The following CHST9 variants were observed in gnomAD, a reference collection of about 807,000 sequenced individuals.
The protein encoded by CHST9 is GalNAc-4-sulfotransferase 2.
A neutral mutation model predicts 44.4 loss-of-function variants in CHST9; 41 were observed. The observed-to-expected ratio is 0.92, with a 90% CI of 0.72 to 1.20. The LOEUF is 1.20. Among genes scored for constraint, CHST9 ranks in the 50% most tolerant of loss-of-function variants. The pLI is 0.00. For synonymous variants in CHST9, 171 were observed against 178.4 expected, an observed-to-expected ratio of 0.96 and a Z score of 0.33; for missense variants, 504 against 516.5, an observed-to-expected ratio of 0.98 and a Z score of 0.23.
intron 2 of CHST9, among the ~76,000 whole-genome samples, chr18:27,076,387 G>GT (rs992174281): frequency 2.0e-5 from 3 of 152,128 alleles, no homozygotes; most frequent in Non-Finnish European, 2.9e-5. Flanking sequence ...AGTAGGTTCA[G>GT]TTTTTTTCTA....
intron 2 of CHST9, among the ~76,000 whole-genome samples, chr18:27,110,000 A>G (rs1357471535): frequency 1.3e-5 from 2 of 152,206 alleles, no homozygotes; most frequent in African/African-American, 4.8e-5. Context: ...GAGTTGAGTC[A>G]TTTATTACCA....
chr18:27,042,409 G>A (rs1273872634), intron 3 of CHST9, among the ~76,000 whole-genome samples: 3 of 152,174 alleles, frequency 2.0e-5, no homozygotes, highest in Non-Finnish European at 4.4e-5. Flanking sequence ...CAATCTCCAT[G>A]TGTAAATACT....
At chr18:27,033,210 T>C (rs1364933519) in intron 3 of CHST9, among the ~76,000 whole-genome samples, 3 of 152,242 alleles carry the variant, frequency 2.0e-5, no homozygotes, top group Admixed American at 2.0e-4. Context: ...TTTCTTTGAA[T>C]AGCCCAGCAC....
chr18:26,947,618 C>T (rs571887078), intron 4 of CHST9, among the ~76,000 whole-genome samples: 1 of 152,304 alleles, frequency 6.6e-6, no homozygotes, highest in East Asian at 1.9e-4. Flanking sequence ...TTCTTGAAGA[C>T]ATTTATGCAG....
intron 2 of CHST9, among the ~76,000 whole-genome samples, chr18:27,062,010 C>A (rs370494560): frequency 1.3e-4 from 20 of 152,180 alleles, no homozygotes; most frequent in Admixed American, 7.2e-4. Context: ...TCCAAATCAC[C>A]CTTCAGCTCC....
At chr18:26,983,609 G>A (rs915210667) in intron 4 of CHST9, among the ~76,000 whole-genome samples, 2 of 152,046 alleles carry the variant, frequency 1.3e-5, no homozygotes, top group African/African-American at 4.8e-5. Context: ...TTATAAATTA[G>A]CCCACCTCAA....
intron 4 of CHST9, among the ~76,000 whole-genome samples, chr18:27,016,102 G>A (rs543594701): frequency 5.4e-4 from 82 of 152,270 alleles, no homozygotes; most frequent in Non-Finnish European, 3.2e-4. Flanking sequence ...ATAAATGTAA[G>A]TTACTTTTTG....
intron 3 of CHST9, among the ~76,000 whole-genome samples, chr18:27,035,502 C>T (rs765061828): frequency 1.3e-5 from 2 of 151,846 alleles, no homozygotes; most frequent in Middle Eastern, 3.2e-3. Context: ...GTGTGTATTC[C>T]ATTGTTTATG....
rs779089016 is a variant in CHST9 at position 26,917,319 on chromosome 18, C to T, written c.272G>A (p.Arg91Gln). ...GAGTAGAAGATTTTCCTTTTTTTCT[C>T]GTACATCCTCAGGCATGTGAAACTT... ...NPKFHMPEDV[R>Q]EKKENLLLNS... The change falls in exon 6 of 6, where the codon CGA (arginine) becomes CAA (glutamine). Residue 91 changes from arginine (R) to glutamine (Q), a missense_variant. Transcript: ENST00000618847. 49 of 1,612,086 alleles carry T rather than the reference C, an allele frequency of 3.0e-5. No homozygotes were observed. The highest frequency in any genetic ancestry group is 5.5e-5 in the South Asian group (5 of 90,616).
Position 26,907,777 on chromosome 18 carries a change from G to T in CHST9, c.*8482C>A, listed in dbSNP as rs2055388633. ...GTGATTAAGCTGGGAATGGGTTATAGTCTTGAGAGATTGAGGCCAGGCAAT... is the reference window on the plus strand; with the variant it reads ...GTGATTAAGCTGGGAATGGGTTATATTCTTGAGAGATTGAGGCCAGGCAAT... On this transcript the variant is annotated 3_prime_UTR_variant, in exon 6 of 6. Coordinates refer to ENST00000618847, the MANE Select transcript of CHST9 (RefSeq NM_031422.6). 6.4e-6 allele frequency: 1 copy of T among 157,282 alleles called. No homozygotes were observed. The highest frequency in any genetic ancestry group is 1.9e-4 in the South Asian group (1 of 5,232). The allele number at this position is 157,282 out of a possible 1,614,324, so 9.7% of individuals were successfully genotyped here.
chr18:27,163,268 A>C (rs1280396250), intron 1 of CHST9, among the ~76,000 whole-genome samples: 1 of 152,174 alleles, frequency 6.6e-6, no homozygotes, highest in Non-Finnish European at 1.5e-5. Flanking sequence ...TCAGGGACCC[A>C]CTTGAGGAGG....
At chr18:27,119,935 G>A (rs2058360633) in intron 2 of CHST9, among the ~76,000 whole-genome samples, 2 of 152,090 alleles carry the variant, frequency 1.3e-5, no homozygotes, top group African/African-American at 4.8e-5. Flanking sequence ...ATACTAGACT[G>A]ACTATAAGTC....
intron 2 of CHST9, among the ~76,000 whole-genome samples, chr18:27,071,152 A>G (rs2057835386): frequency 6.6e-6 from 1 of 152,130 alleles, no homozygotes; most frequent in Admixed American, 6.5e-5. Context: ...CTCGCCATCC[A>G]CTGTTAGGCT....
chr18:27,151,804 T>A (rs1374098504), intron 1 of CHST9, among the ~76,000 whole-genome samples: 1 of 152,190 alleles, frequency 6.6e-6, no homozygotes, highest in African/African-American at 2.4e-5. Context: ...GGGACCGCAG[T>A]CCTGCTGACA....
At chr18:27,130,858 C>T (rs991693788) in intron 2 of CHST9, among the ~76,000 whole-genome samples, 2 of 152,044 alleles carry the variant, frequency 1.3e-5, no homozygotes, top group African/African-American at 4.8e-5. Flanking sequence ...AGGGTATATA[C>T]AGATAGATAC....
chr18:27,063,616 G>A (rs959722889), intron 2 of CHST9, among the ~76,000 whole-genome samples: 1 of 152,156 alleles, frequency 6.6e-6, no homozygotes, highest in Non-Finnish European at 1.5e-5. Context: ...CTGAAGTCTT[G>A]TGGAAATGGG....
At chr18:26,938,171 C>T (rs2056027076) in intron 5 of CHST9, among the ~76,000 whole-genome samples, 1 of 152,074 alleles carries the variant, frequency 6.6e-6, no homozygotes, top group African/African-American at 2.4e-5. Context: ...GATACCTTTC[C>T]ACAGGTACCC....
chr18:26,946,295 G>A (rs2056161372), intron 4 of CHST9, among the ~76,000 whole-genome samples: 1 of 152,176 alleles, frequency 6.6e-6, no homozygotes, highest in South Asian at 2.1e-4. Flanking sequence ...AGATGATAAA[G>A]GAGTTAACTT....
chr18:27,045,941 T>C (rs2057494914), intron 3 of CHST9, among the ~76,000 whole-genome samples: 1 of 152,034 alleles, frequency 6.6e-6, no homozygotes, highest in Non-Finnish European at 1.5e-5. Context: ...ACTAAATTAG[T>C]GTAATCTTTG....
Sources: allele counts gnomAD v4.1 joint callset (sites outside exome capture counted in the v4.1 genomes callset), GRCh38; gene constraint gnomAD v4.1.1; transcripts MANE v1.5; gene names NCBI Gene and HGNC (gene_info 2026-07-23, HGNC 2026-07-21).